The following FHOD3 variants were observed in gnomAD, a reference collection of about 807,000 sequenced individuals.
The protein encoded by FHOD3 is formin homology 2 domain containing 3, also known as FH1/FH2 domain-containing protein 3.
FHOD3 carries 90 observed loss-of-function variants against 173.0 expected under a neutral mutation model. The ratio of observed to expected loss-of-function variants is 0.52; its 90% confidence interval spans 0.44 to 0.62. FHOD3 has a LOEUF of 0.62. Among genes scored for constraint, FHOD3 ranks in the 20% least tolerant of loss-of-function variants. The probability of loss-of-function intolerance (pLI) is 0.00; values close to 1 mark genes in which losing one functional copy is unlikely to be tolerated. For missense variants in FHOD3, 1,945 were observed against 2,034.7 expected (o/e 0.96, Z 0.85); for synonymous variants, 828 against 823.0 (o/e 1.01, Z -0.10).
At chr18:36,442,473 C>T (rs567855828) in intron 3 of FHOD3, among the ~76,000 whole-genome samples, 1 of 152,168 alleles carries the variant, frequency 6.6e-6, no homozygotes, top group Non-Finnish European at 1.5e-5. Context: ...TCAGGATTGA[C>T]ACACACATTT....
chr18:36,634,551 A>T (rs558616100), intron 10 of FHOD3, among the ~76,000 whole-genome samples: 1 of 152,126 alleles, frequency 6.6e-6, no homozygotes, highest in African/African-American at 2.4e-5. Context: ...AGCAAAAGAC[A>T]TACTGTGAGA....
chr18:36,411,604 T>C (rs2049352699), intron 3 of FHOD3, among the ~76,000 whole-genome samples: 1 of 152,240 alleles, frequency 6.6e-6, no homozygotes, highest in African/African-American at 2.4e-5. Context: ...TATTTGCTTT[T>C]TATTTTTGTC....
At chr18:36,381,374 C>T (rs959998000) in intron 3 of FHOD3, among the ~76,000 whole-genome samples, 1 of 152,198 alleles carries the variant, frequency 6.6e-6, no homozygotes, top group African/African-American at 2.4e-5. Context: ...GCTGGGGCTT[C>T]CACATCCTTT....
At chr18:36,760,133 C>T (rs2042808142) in intron 26 of FHOD3, among the ~76,000 whole-genome samples, 1 of 152,160 alleles carries the variant, frequency 6.6e-6, no homozygotes. Flanking sequence ...GTGATTGAAT[C>T]CCACTTTTGT....
chr18:36,627,961 C>T (rs568756076), intron 10 of FHOD3, among the ~76,000 whole-genome samples: 12 of 152,252 alleles, frequency 7.9e-5, no homozygotes, highest in African/African-American at 2.2e-4. Flanking sequence ...ACGCCCTGGC[C>T]GCACCTAACG....
intron 2 of FHOD3, among the ~76,000 whole-genome samples, chr18:36,371,333 TA>T (rs1210739255): frequency 1.3e-5 from 2 of 152,214 alleles, no homozygotes; most frequent in African/African-American, 4.8e-5. Context: ...AAAAGAAGTT[TA>T]ATGGACTCAC....
At chr18:36,772,193 A>G (rs1042426027) in intron 28 of FHOD3, among the ~76,000 whole-genome samples, 1 of 152,258 alleles carries the variant, frequency 6.6e-6, no homozygotes, top group Non-Finnish European at 1.5e-5. Flanking sequence ...TATAACAAGT[A>G]CAGCACAGCA....
At chr18:36,317,482 T>C (rs1205814227) in intron 1 of FHOD3, among the ~76,000 whole-genome samples, 2 of 152,270 alleles carry the variant, frequency 1.3e-5, no homozygotes, top group African/African-American at 4.8e-5. Context: ...CCAGTGATGA[T>C]GAGCATTTTT....
At chr18:36,474,791 G>A (rs979917142) in intron 3 of FHOD3, among the ~76,000 whole-genome samples, 1 of 152,086 alleles carries the variant, frequency 6.6e-6, no homozygotes, top group African/African-American at 2.4e-5. Flanking sequence ...GAGCCAAGAA[G>A]CCCCTTGGCC....
intron 15 of FHOD3, 79 bp from the exon 16 acceptor site, chr18:36,687,049 A>G: frequency 9.3e-7 from 1 of 1,080,310 alleles, no homozygotes; most frequent in Non-Finnish European, 1.4e-6. Flanking sequence ...TATACTGTTT[A>G]TAATTTATTG....
chr18:36,569,890 T>C (rs1004659103), intron 5 of FHOD3, among the ~76,000 whole-genome samples: 23 of 152,036 alleles, frequency 1.5e-4, no homozygotes, highest in African/African-American at 5.3e-4. Flanking sequence ...ATACAACACA[T>C]CAGATTTGTG....
intron 10 of FHOD3, among the ~76,000 whole-genome samples, chr18:36,627,242 A>G (rs755272836): frequency 3.3e-5 from 5 of 152,126 alleles, no homozygotes; most frequent in Non-Finnish European, 4.4e-5. Flanking sequence ...ATTGTACACA[A>G]TCCTCTGAAA....
intron 5 of FHOD3, among the ~76,000 whole-genome samples, chr18:36,534,671 A>G (rs1363752319): frequency 2.6e-5 from 4 of 151,960 alleles, no homozygotes; most frequent in Admixed American, 2.0e-4. Flanking sequence ...CTGCCTATGT[A>G]ATTGCCTTCA....
At chr18:36,432,153 A>G (rs1383480425) in intron 3 of FHOD3, among the ~76,000 whole-genome samples, 1 of 152,204 alleles carries the variant, frequency 6.6e-6, no homozygotes, top group East Asian at 1.9e-4. Context: ...GGGCCATGCC[A>G]TCTTGGAGAT....
chr18:36,712,552 A>G (rs1243376076), intron 18 of FHOD3, among the ~76,000 whole-genome samples: 1 of 152,178 alleles, frequency 6.6e-6, no homozygotes, highest in African/African-American at 2.4e-5. Flanking sequence ...AAAACAAATC[A>G]GTGGAAATTA....
chr18:36,509,994 A>T (rs191748350), intron 4 of FHOD3, among the ~76,000 whole-genome samples: 258 of 152,296 alleles, frequency 1.7e-3, no homozygotes, highest in Admixed American at 3.8e-3. Context: ...GATTAACTGG[A>T]TTACACAGGC....
At chr18:36,654,793 A>G (rs2036298750) in intron 13 of FHOD3, among the ~76,000 whole-genome samples, 1 of 152,188 alleles carries the variant, frequency 6.6e-6, no homozygotes. Flanking sequence ...TTTGCTTGGT[A>G]CCATGGAGAT....
At chr18:36,598,795 C>T (rs763294973) in intron 7 of FHOD3, among the ~76,000 whole-genome samples, 4 of 152,166 alleles carry the variant, frequency 2.6e-5, no homozygotes, top group Admixed American at 6.5e-5. Context: ...ATGATCCACC[C>T]GCCTCGGCCT....
intron 1 of FHOD3, among the ~76,000 whole-genome samples, chr18:36,354,790 A>G (rs1046897024): frequency 6.6e-6 from 1 of 151,710 alleles, no homozygotes; most frequent in Non-Finnish European, 1.5e-5. Context: ...TGGGTGACAG[A>G]GCGAGACTCT....
Sources: gnomAD v4.1 joint callset for allele counts (sites outside exome capture counted in the v4.1 genomes callset) on GRCh38, gnomAD v4.1.1 for gene constraint, MANE v1.5 for transcripts, NCBI Gene and HGNC (gene_info 2026-07-23, HGNC 2026-07-21) for gene names.